Variants in DSCAM observed in about 807,000 individuals in gnomAD.
DSCAM encodes the protein cell adhesion molecule DSCAM.
A neutral mutation model predicts 217.7 loss-of-function variants in DSCAM; 47 were observed. That is an observed-to-expected ratio of 0.22 (90% confidence interval 0.17 to 0.28). The LOEUF (loss-of-function observed/expected upper bound fraction) is 0.28. Among genes scored for constraint, DSCAM ranks in the 10% least tolerant of loss-of-function variants. The pLI is 1.00. For synonymous variants in DSCAM, 1,056 were observed against 1,015.3 expected (o/e 1.04, Z -0.76); for missense variants, 2,080 against 2,618.3 (o/e 0.79, Z 4.49).
At chr21:40,762,132 G>A (rs1172812549) in intron 1 of DSCAM, among the ~76,000 whole-genome samples, 1 of 152,092 alleles carries the variant, frequency 6.6e-6, no homozygotes, top group East Asian at 1.9e-4. Context: ...GAAGGAGTTA[G>A]ACACATGAAA....
intron 2 of DSCAM, among the ~76,000 whole-genome samples, chr21:40,699,533 AG>A (rs1160348953): frequency 6.6e-6 from 1 of 152,222 alleles, no homozygotes; most frequent in African/African-American, 2.4e-5. Context: ...GCATAGGAAA[AG>A]TTCTTGAAGG....
chr21:40,205,940 G>A (rs2146867469), intron 11 of DSCAM, among the ~76,000 whole-genome samples: 1 of 152,284 alleles, frequency 6.6e-6, no homozygotes, highest in South Asian at 2.1e-4. Context: ...AAGTATTGGA[G>A]GTTTTACCAC....
chr21:40,284,725 G>A (rs991008267), intron 10 of DSCAM, among the ~76,000 whole-genome samples: 3 of 152,168 alleles, frequency 2.0e-5, no homozygotes, highest in African/African-American at 4.8e-5. Flanking sequence ...AAAGGGCCGC[G>A]CAGTTTGTCC....
At chr21:40,033,642 G>T (rs2088576089) in intron 32 of DSCAM, among the ~76,000 whole-genome samples, 1 of 151,822 alleles carries the variant, frequency 6.6e-6, no homozygotes, top group Admixed American at 6.5e-5. Context: ...AAACAAAGCA[G>T]CCAGGAAGCT....
rs115429599 is a variant in DSCAM, at chr21:40,136,842, G to A, written c.3407-2833C>T. ...ATGAGGAAGAGGAGCCTGGTGGGGA[G>A]GGAGAAGGACAACCTGGCCTCTCTG... On this transcript the variant is annotated intron_variant, in intron 18 of 32. Transcript: ENST00000400454. Among the ~76,000 whole-genome samples, 1,464 of 152,212 alleles carry A rather than the reference G, an allele frequency of 9.6e-3. 24 individuals carry two copies. The highest frequency in any genetic ancestry group is 0.033 in the African/African-American group (1,380 of 41,546).
chr21:40,489,183 A>G (rs1458417502), intron 3 of DSCAM, among the ~76,000 whole-genome samples: 1 of 152,190 alleles, frequency 6.6e-6, no homozygotes, highest in African/African-American at 2.4e-5. Flanking sequence ...TGAGATTGAT[A>G]TTTTAGTCAG....
intron 1 of DSCAM, among the ~76,000 whole-genome samples, chr21:40,793,448 G>T (rs10084578): frequency 0.014 from 2,128 of 149,978 alleles, 24 homozygotes; most frequent in Non-Finnish European, 0.022. Context: ...TAAATCCCTT[G>T]CTTTTTAGGT....
chr21:40,021,327 G>A (rs1219560344), intron 32 of DSCAM, among the ~76,000 whole-genome samples: 16 of 152,148 alleles, frequency 1.1e-4, no homozygotes, highest in Admixed American at 1.0e-3. Context: ...ATCTGGGACA[G>A]TGGTAAGGAG....
chr21:40,380,198 A>G (rs1427632596), intron 3 of DSCAM, among the ~76,000 whole-genome samples: 2 of 152,188 alleles, frequency 1.3e-5, no homozygotes, highest in African/African-American at 2.4e-5. Context: ...TAATTACCCT[A>G]TTTAGTTTGT....
At chr21:40,301,780 T>G (rs1470950543) in intron 9 of DSCAM, among the ~76,000 whole-genome samples, 1 of 152,226 alleles carries the variant, frequency 6.6e-6, no homozygotes, top group Non-Finnish European at 1.5e-5. Context: ...AATCAATGAA[T>G]GTTATTACTT....
intron 1 of DSCAM, among the ~76,000 whole-genome samples, chr21:40,738,489 A>G (rs2091087551): frequency 6.6e-6 from 1 of 152,230 alleles, no homozygotes; most frequent in Non-Finnish European, 1.5e-5. Context: ...TAGGAGTCAC[A>G]TGAAGGTCAC....
chr21:40,669,770 G>A (rs2146397832), intron 3 of DSCAM, among the ~76,000 whole-genome samples: 1 of 151,886 alleles, frequency 6.6e-6, no homozygotes, highest in African/African-American at 2.4e-5. Flanking sequence ...GTAGAGATGG[G>A]GTTTCATCAT....
At chr21:40,170,208 T>C (rs1234180468) in intron 15 of DSCAM, among the ~76,000 whole-genome samples, 1 of 152,146 alleles carries the variant, frequency 6.6e-6, no homozygotes, top group Non-Finnish European at 1.5e-5. Context: ...TTGCCGCCCA[T>C]GCCTGTGAGC....
intron 3 of DSCAM, among the ~76,000 whole-genome samples, chr21:40,684,640 G>A (rs1414227864): frequency 6.6e-6 from 1 of 152,182 alleles, no homozygotes; most frequent in Non-Finnish European, 1.5e-5. Flanking sequence ...GTTATTCTGA[G>A]TCAAAAATTA....
chr21:40,696,958 T>C (rs2090602517), intron 2 of DSCAM, among the ~76,000 whole-genome samples: 1 of 152,188 alleles, frequency 6.6e-6, no homozygotes, highest in Admixed American at 6.5e-5. Context: ...ATACAATAAA[T>C]TATTAACTAT....
chr21:40,472,048 G>T (rs1293328306), intron 3 of DSCAM, among the ~76,000 whole-genome samples: 5 of 152,062 alleles, frequency 3.3e-5, no homozygotes, highest in East Asian at 1.9e-4. Flanking sequence ...GCGGTGTTTG[G>T]TTTTTTGTCC....
At chr21:40,163,135 C>G (rs935866581) in intron 16 of DSCAM, among the ~76,000 whole-genome samples, 1 of 150,436 alleles carries the variant, frequency 6.6e-6, no homozygotes, top group African/African-American at 2.5e-5. Flanking sequence ...CTGGTAATCA[C>G]ATTGTCCTTA....
intron 11 of DSCAM, among the ~76,000 whole-genome samples, chr21:40,198,234 A>G (rs1024165924): frequency 2.6e-5 from 4 of 152,228 alleles, no homozygotes; most frequent in African/African-American, 9.6e-5. Context: ...AGGTGCCATT[A>G]AAGTTCTAAA....
Position 40,708,744 on chromosome 21 carries a change from A to G in DSCAM, c.71T>C (p.Leu24Pro). 1 of 1,595,526 alleles carries G rather than the reference A, an allele frequency of 6.3e-7. No individual in the cohort carries two copies. Among genetic ancestry groups the G allele is most frequent in the Non-Finnish European group, 8.6e-7 (1 of 1,169,168 alleles). Residue 24 changes from leucine to proline, a missense_variant, in exon 2 of 33, where the codon CTC becomes CCC. By Grantham distance (98) the Leu-to-Pro change is moderately conservative (BLOSUM62 -3). Coordinates refer to ENST00000400454, the MANE Select transcript of DSCAM (RefSeq NM_001389.5). ...TTGCAGAGATGCATTGACAAAGTAG[A>G]GGCTGGAGTGTAGGTCTTCACTGAA... is the stretch of plus-strand genomic sequence containing the variant. ...NVFSEDLHSS[L>P]YFVNASLQEV...
Sources: gnomAD v4.1 joint callset for allele counts (sites outside exome capture counted in the v4.1 genomes callset) on GRCh38, gnomAD v4.1.1 for gene constraint, MANE v1.5 for transcripts, NCBI Gene and HGNC (gene_info 2026-07-23, HGNC 2026-07-21) for gene names.